Variants in TMEM74 observed in about 807,000 individuals in gnomAD.
TMEM74 encodes the protein transmembrane protein 74.
Under a neutral mutation model 18.1 loss-of-function variants are expected in TMEM74, and 13 were observed. The ratio of observed to expected loss-of-function variants is 0.72; its 90% CI spans 0.47 to 1.14. The LOEUF is 1.14. TMEM74 is among the 50% of genes most tolerant of loss of function. The pLI, the probability that TMEM74 is intolerant of heterozygous loss-of-function variation, is 0.00. For synonymous variants in TMEM74, 159 were observed against 146.6 expected (o/e 1.08, Z -0.61); for missense variants, 372 against 375.9 (o/e 0.99, Z 0.09).
intron 1 of TMEM74, among the ~76,000 whole-genome samples, chr8:108,707,400 C>T (rs575247612): frequency 6.6e-6 from 1 of 151,982 alleles, no homozygotes; most frequent in East Asian, 1.9e-4. Context: ...TTGGCCAAAT[C>T]ATGGTGGAAA....
intron 1 of TMEM74, among the ~76,000 whole-genome samples, chr8:108,740,306 A>G (rs140751602): frequency 1.5e-4 from 23 of 152,252 alleles, no homozygotes; most frequent in Middle Eastern, 3.4e-3. Context: ...ACCCACATAT[A>G]AAGTATATGA....
At chr8:108,710,914 T>C (rs1254343362) in intron 1 of TMEM74, among the ~76,000 whole-genome samples, 2 of 152,180 alleles carry the variant, frequency 1.3e-5, no homozygotes, top group Non-Finnish European at 2.9e-5. Context: ...AGCCTTCCCA[T>C]GTTATGGCTA....
At chr8:108,663,065 T>C (rs2130582935) in intron 1 of TMEM74, among the ~76,000 whole-genome samples, 1 of 152,196 alleles carries the variant, frequency 6.6e-6, no homozygotes, top group East Asian at 1.9e-4. Context: ...CCGAAAGCAA[T>C]AGCAACAAAA....
In TMEM74 at chr8:108,657,877, T is replaced by TATATATATATTAATTAC. The variant is rs1554630284; in HGVS notation, n.120-2441_120-2440insGTAATTAATATATATAT. 5.2e-3 allele frequency among the ~76,000 whole-genome samples: 368 copies of TATATATATATTAATTAC among 70,862 alleles called. 13 individuals carry two copies. Among genetic ancestry groups the TATATATATATTAATTAC allele is most frequent in the African/African-American group, 0.021 (341 of 16,320 alleles). The allele number at this position is 70,862 out of a possible 152,430, so 46.5% of individuals were successfully genotyped here. A position where few individuals can be genotyped will look rare whatever the true frequency, so the allele number is the denominator to read the frequency against. On this transcript the variant is annotated intron_variant and non_coding_transcript_variant, in intron 1 of 3. Transcript: ENST00000518838. Reference sequence around the variant, plus strand: ...AAAAAAAAATATATATATATATATATATATATATATATATATATATATATA... The same window carrying TATATATATATTAATTAC: ...AAAAAAAAATATATATATATATATATATATATATATTAATTACATATATATATATATATATATATATA...
At chr8:108,673,413 T>C (rs1395908611) in intron 1 of TMEM74, among the ~76,000 whole-genome samples, 2 of 152,168 alleles carry the variant, frequency 1.3e-5, no homozygotes, top group African/African-American at 2.4e-5. Context: ...GCAGTCTACA[T>C]TGGAAGCATA....
chr8:108,669,454 A>G (rs973179476), intron 1 of TMEM74, among the ~76,000 whole-genome samples: 1 of 152,116 alleles, frequency 6.6e-6, no homozygotes, highest in African/African-American at 2.4e-5. Context: ...AAATGCAGAG[A>G]AAATTTGGGC....
chr8:108,608,318 A>G (rs1405036660), intron 3 of TMEM74, among the ~76,000 whole-genome samples: 1 of 151,162 alleles, frequency 6.6e-6, no homozygotes, highest in African/African-American at 2.4e-5. Flanking sequence ...AAAAAAAGAA[A>G]AAAAGAAAAA....
chr8:108,756,650 G>GAAAGAGAAAGAA lies in TMEM74; in HGVS notation n.119+30825_119+30826insTTCTTTCTCTTT, dbSNP rs1283223577. On this transcript the variant is annotated intron_variant and non_coding_transcript_variant, in intron 1 of 3. Transcript: ENST00000518838. ...AGGAAGGAAGGAAGGAAGAAAGAAA[G>GAAAGAGAAAGAA]AGAAAGAAAGAAAGAAAGAAAGAAA... is the stretch of plus-strand genomic sequence containing the variant. Among the ~76,000 whole-genome samples the GAAAGAGAAAGAA allele has an allele frequency of 2.6e-4, 7 of 27,112 alleles. No individual in the cohort carries two copies. The East Asian group carries it at 4.2e-3, about 16-fold the overall frequency. The allele number at this position is 27,112 out of a possible 152,430, so 17.8% of individuals were successfully genotyped here. A position where few individuals can be genotyped will look rare whatever the true frequency, so the allele number is the denominator to read the frequency against.
chr8:108,766,555 A>T (rs1814109148), intron 1 of TMEM74, among the ~76,000 whole-genome samples: 1 of 152,212 alleles, frequency 6.6e-6, no homozygotes, highest in Non-Finnish European at 1.5e-5. Context: ...ATGTGCCTCC[A>T]AAACTTTCAC....
chr8:108,726,332 G>A (rs556617596), intron 1 of TMEM74, among the ~76,000 whole-genome samples: 11 of 152,246 alleles, frequency 7.2e-5, no homozygotes, highest in African/African-American at 2.2e-4. Flanking sequence ...TGTGTCACTT[G>A]GAAAGCACAT....
intron 2 of TMEM74, among the ~76,000 whole-genome samples, chr8:108,642,824 C>T (rs1184887695): frequency 6.6e-6 from 1 of 152,098 alleles, no homozygotes; most frequent in African/African-American, 2.4e-5. Flanking sequence ...GGCTCAAAGG[C>T]CTATTATATC....
chr8:108,626,362 A>T (rs909368555), intron 2 of TMEM74, among the ~76,000 whole-genome samples: 1 of 152,052 alleles, frequency 6.6e-6, no homozygotes, highest in Non-Finnish European at 1.5e-5. Context: ...ATTTCATTAG[A>T]TTTAATATCA....
chr8:108,662,409 G>A (rs573706128), intron 1 of TMEM74, among the ~76,000 whole-genome samples: 1 of 152,220 alleles, frequency 6.6e-6, no homozygotes, highest in East Asian at 1.9e-4. Context: ...AACAGGAAAG[G>A]CAGCAACTAC....
chr8:108,637,679 T>C (rs1812620757), intron 2 of TMEM74, among the ~76,000 whole-genome samples: 1 of 152,148 alleles, frequency 6.6e-6, no homozygotes, highest in Non-Finnish European at 1.5e-5. Flanking sequence ...AATTCTCTTC[T>C]AGAGCCTACA....
chr8:108,610,253 C>T (rs913286199), intron 2 of TMEM74, among the ~76,000 whole-genome samples: 7 of 152,054 alleles, frequency 4.6e-5, no homozygotes, highest in Admixed American at 2.0e-4. Flanking sequence ...CATCCTTCCC[C>T]GAGATGGGGG....
chr8:108,697,774 ATTTG>A (rs1813295357), intron 1 of TMEM74, among the ~76,000 whole-genome samples: 2 of 151,750 alleles, frequency 1.3e-5, no homozygotes, highest in African/African-American at 4.8e-5. Context: ...ATGTTTGGGG[ATTTG>A]TTTGTTTGTT....
chr8:108,639,991 G>A (rs537896494), intron 2 of TMEM74, among the ~76,000 whole-genome samples: 9 of 151,982 alleles, frequency 5.9e-5, no homozygotes, highest in East Asian at 5.8e-4. Context: ...ATATCACCAC[G>A]CAGGGAAAGA....
intron 1 of TMEM74, among the ~76,000 whole-genome samples, chr8:108,677,586 T>G (rs1813066566): frequency 6.6e-6 from 1 of 151,906 alleles, no homozygotes; most frequent in Non-Finnish European, 1.5e-5. Flanking sequence ...ATGCACAATC[T>G]GAAAAGATGA....
intron 1 of TMEM74, among the ~76,000 whole-genome samples, chr8:108,708,645 T>A (rs531665040): frequency 9.9e-5 from 15 of 152,106 alleles, no homozygotes; most frequent in Non-Finnish European, 2.1e-4. Context: ...ATATGCTTCT[T>A]GGCTGCATAT....
Sources: gnomAD v4.1 joint callset for allele counts (sites outside exome capture counted in the v4.1 genomes callset) on GRCh38, gnomAD v4.1.1 for gene constraint, MANE v1.5 for transcripts, NCBI Gene and HGNC (gene_info 2026-07-23, HGNC 2026-07-21) for gene names.